The following CPT1B variants were observed in gnomAD, a reference collection of about 807,000 sequenced individuals.
The protein encoded by CPT1B is carnitine palmitoyltransferase 1B.
Under a neutral mutation model 92.7 loss-of-function variants are expected in CPT1B, and 57 were observed. That is an observed-to-expected ratio of 0.62 (90% CI 0.50 to 0.77). The LOEUF is 0.77. Among genes scored for constraint, CPT1B ranks in the 30% least tolerant of loss-of-function variants. The pLI, the probability that CPT1B is intolerant of heterozygous loss-of-function variation, is 0.00. For missense variants in CPT1B, 983 were observed against 1,017.4 expected, an observed-to-expected ratio of 0.97 and a Z score of 0.46; for synonymous variants, 398 against 383.5, an observed-to-expected ratio of 1.04 and a Z score of -0.44.
chr22:50,576,512 G>A (rs903273897), intron 5 of CPT1B, 24 bp downstream of exon 5: 4 of 1,593,788 alleles, frequency 2.5e-6, no homozygotes, highest in African/African-American at 2.7e-5. Flanking sequence ...CCTGCCCACT[G>A]GGATGCCCAA....
chr22:50,571,647 C>G, intron 13 of CPT1B, 108 bp from the exon 14 acceptor site: 1 of 1,244,216 alleles, frequency 8.0e-7, no homozygotes, highest in Non-Finnish European at 1.1e-6. Context: ...GCACAGCCGG[C>G]CAAGACATCT....
chr22:50,569,279 C>T, intron 19 of CPT1B, 57 bp downstream of exon 19: 1 of 1,560,348 alleles, frequency 6.4e-7, no homozygotes. Context: ...CTGTGAGCTG[C>T]CACAGGTCCC....
Position 50,573,673 on chromosome 22 carries a change from T to G in CPT1B, c.1013A>C (p.Tyr338Ser), listed in dbSNP as rs2070295591. ...CAGCTTGAAGAAGCGTCCCTTGTGG[T>G]AGACAGCCACGTGCCGGCTGTCTGA... is the stretch of plus-strand genomic sequence containing the variant. ...HLSDSRHVAV[Y>S]HKGRFFKLWL... Residue 338 changes from tyrosine (Y) to serine (S), a missense_variant, in exon 10 of 20, where the codon TAC becomes TCC. Transcript: ENST00000312108. This position sits in a 1 kb window ranked among gnomAD's most constrained non-coding sequence, Gnocchi z 5.0. 1 of 1,613,000 alleles carries G rather than the reference T, an allele frequency of 6.2e-7. No individual in the cohort carries two copies.
chr22:50,570,143 T>C (rs2070093302), intron 17 of CPT1B, 150 bp downstream of exon 17: 1 of 580,998 alleles, frequency 1.7e-6, no homozygotes, highest in Non-Finnish European at 2.9e-6. Context: ...CCTGAGTCCA[T>C]AGCTAACATT....
At position 50,577,048 on chromosome 22, in the gene CPT1B, G is replaced by A. The variant is rs752589416; in HGVS notation, c.282-14C>T. The A allele has an allele frequency of 7.4e-6, 12 of 1,612,874 alleles. No individual in the cohort carries two copies. Among genetic ancestry groups the A allele is most frequent in the East Asian group, 4.5e-5 (2 of 44,858 alleles). On this transcript the variant is annotated splice_polypyrimidine_tract_variant and intron_variant, in intron 3 of 19. Coordinates refer to ENST00000312108, the MANE Select transcript of CPT1B (RefSeq NM_152246.3). The stretch of plus-strand genomic sequence containing the variant: ...TAGGGGCCACACCTATTGGAGAGGG[G>A]CAAGGGCTGCAGGGGGTCCTCTTGA...
chr22:50,576,951 A>AAGATGCCCGTCACCC lies in CPT1B; in HGVS notation c.350_364dup (p.Trp117_Ile121dup), dbSNP rs1569048107. On this transcript the variant is annotated inframe_insertion, in exon 4 of 20. Coordinates refer to ENST00000312108, the MANE Select transcript of CPT1B (RefSeq NM_152246.3). Reference sequence around the variant, plus strand: ...CAGCTTCAGGGTTTGGCGGAAGAAGAAGATGCCCGTCACCCAGACGCCCGT... The same window carrying AAGATGCCCGTCACCC: ...CAGCTTCAGGGTTTGGCGGAAGAAGAAGATGCCCGTCACCCAGATGCCCGTCACCCAGACGCCCGT... 1 of 1,614,102 alleles carries AAGATGCCCGTCACCC rather than the reference A, an allele frequency of 6.2e-7. No individual in the cohort carries two copies. Among genetic ancestry groups the AAGATGCCCGTCACCC allele is most frequent in the Non-Finnish European group, 8.5e-7 (1 of 1,180,032 alleles).
chr22:50,576,956 G>A lies in CPT1B; in HGVS notation c.360C>T (p.Gly120=). 6.2e-7 allele frequency: 1 copy of A among 1,614,094 alleles called. No homozygotes were observed. The highest frequency in any genetic ancestry group is 8.5e-7 in the Non-Finnish European group (1 of 1,180,020). Residue 120 remains glycine, a synonymous_variant, in exon 4 of 20, where the codon GGC becomes GGT. Transcript: ENST00000312108. ...AIFSTGVWVT[G]IFFFRQTLKL... ...TCAGGGTTTGGCGGAAGAAGAAGAT[G>A]CCCGTCACCCAGACGCCCGTGGAGA...
intron 19 of CPT1B, 120 bp downstream of exon 19, chr22:50,569,216 C>A (rs2070033043): frequency 2.2e-6 from 2 of 914,952 alleles, no homozygotes; most frequent in Non-Finnish European, 3.4e-6. Flanking sequence ...CGAGGACCTG[C>A]TGCCGGAGCT....
chr22:50,571,025 G>C lies in CPT1B; in HGVS notation c.1894C>G (p.Leu632Val). The C allele has an allele frequency of 6.2e-7, 1 of 1,614,068 alleles. No individual in the cohort carries two copies. Among genetic ancestry groups the C allele is most frequent in the Non-Finnish European group, 8.5e-7 (1 of 1,180,016 alleles). The change falls in exon 16 of 20, where the codon CTC becomes GTC. Residue 632 changes from leucine to valine, a missense_variant. Physicochemically the swap from Leu to Val is conservative, Grantham distance 32. Transcript: ENST00000312108. ...GSHTKADLRD[L>V]FQKAAKKHQN... ...TGCTTCTTAGCAGCCTTCTGGAAGA[G>C]ATCTCGCAGGTCTGCTTTCTGCGGG... is the stretch of plus-strand genomic sequence containing the variant.
chr22:50,569,670 T>C lies in CPT1B; in HGVS notation c.2143-2A>G. The C allele has an allele frequency of 6.2e-7, 1 of 1,612,740 alleles. No homozygotes were observed. Among genetic ancestry groups the C allele is most frequent in the Non-Finnish European group, 8.5e-7 (1 of 1,178,858 alleles). On this transcript the variant is annotated splice_acceptor_variant, in intron 17 of 19. Coordinates refer to ENST00000312108, the MANE Select transcript of CPT1B (RefSeq NM_152246.3). LOFTEE classifies it high-confidence loss of function. ...AACTCCATAGCCATCATCTGCTACC[T>C]GAGGGCAACAAGAAGGGTGAAGAAG...
intron 3 of CPT1B, 126 bp from the exon 4 acceptor site, chr22:50,577,160 A>G: frequency 7.3e-7 from 1 of 1,375,630 alleles, no homozygotes; most frequent in East Asian, 2.3e-5. Context: ...GACTGCATCA[A>G]ATGAGCGGAT....
At chr22:50,570,761 C>T in intron 16 of CPT1B, 130 bp downstream of exon 16, 9 of 1,281,014 alleles carry the variant, frequency 7.0e-6, no homozygotes, top group Non-Finnish European at 9.8e-6. Flanking sequence ...GGCGGGAAAG[C>T]TGGCCCAGCA....
At position 50,572,995 on chromosome 22, in the gene CPT1B, G is replaced by T; in HGVS notation, c.1232C>A (p.Ala411Asp). Residue 411 changes from alanine to aspartate, a missense_variant, in exon 11 of 20, where the codon GCC becomes GAC. Coordinates refer to ENST00000312108, the MANE Select transcript of CPT1B (RefSeq NM_152246.3). The stretch of plus-strand genomic sequence containing the variant: ...CACGAAGAAAGCGGCACGCTCGATG[G>T]CCTCCAAGGCAGCCTTATTCTTTCC... Reference protein sequence around the residue: ...SSGKNKAALEAIERAAFFVAL... With the variant: ...SSGKNKAALEDIERAAFFVAL... 5 of 1,613,524 alleles carry T rather than the reference G, an allele frequency of 3.1e-6. No homozygotes were observed. Among genetic ancestry groups the T allele is most frequent in the Non-Finnish European group, 4.2e-6 (5 of 1,179,752 alleles).
rs1202785168 is a variant in CPT1B, at chr22:50,577,569, C to T, written c.142-106G>A. 5 of 1,484,504 alleles carry T rather than the reference C, an allele frequency of 3.4e-6. No homozygotes were observed. In the Admixed American group the frequency reaches 1.0e-4, roughly 31 times the overall value. 92.0% of individuals were successfully genotyped at this position (1,484,504 alleles called of 1,614,324 possible). ...GGTCTTGGCCTGGAAGGCTTTCTCT[C>T]CTGATGCCCTGCTGTGCTCCTTCCT... is the stretch of plus-strand genomic sequence containing the variant. On this transcript the variant is annotated intron_variant, in intron 2 of 19. Coordinates refer to ENST00000312108, the MANE Select transcript of CPT1B (RefSeq NM_152246.3).
chr22:50,573,747 G>C lies in CPT1B; in HGVS notation c.971-32C>G. The C allele has an allele frequency of 1.3e-6, 2 of 1,595,340 alleles. No homozygotes were observed. The highest frequency in any genetic ancestry group is 1.7e-6 in the Non-Finnish European group (2 of 1,169,688). The stretch of plus-strand genomic sequence containing the variant: ...TACAGGCCACGGGCAAGCTGAGGCG[G>C]GGCCCCCAGCTACATCCTGGGAAGG... On this transcript the variant is annotated intron_variant, in intron 9 of 19. Transcript: ENST00000312108. The surrounding 1 kb of genome is among the most constrained non-coding windows in gnomAD (Gnocchi z 5.0).
At chr22:50,574,193 A>T (rs1210279342) in intron 9 of CPT1B, 142 bp downstream of exon 9, 3 of 720,154 alleles carry the variant, frequency 4.2e-6, no homozygotes, top group Middle Eastern at 3.7e-4. Context: ...CCTGTAAACA[A>T]TGGATGTCTA....
At chr22:50,577,229 C>T in intron 3 of CPT1B, 95 bp downstream of exon 3, 3 of 1,523,762 alleles carry the variant, frequency 2.0e-6, no homozygotes, top group East Asian at 2.3e-5. Flanking sequence ...CCAATGGCTG[C>T]TGTCCTGTAT....
In CPT1B at chr22:50,573,885, G is replaced by C. The variant is rs368417374; in HGVS notation, c.971-170C>G. On this transcript the variant is annotated intron_variant, in intron 9 of 19. Transcript: ENST00000312108. This position sits in a 1 kb window ranked among gnomAD's most constrained non-coding sequence, Gnocchi z 5.0. ...TGTGTCCTAAACCAGGCCCTGTGCT[G>C]GGTGCTTCCACTCTCTCTCACGCAA... The C allele has an allele frequency of 3.1e-4, 221 of 723,638 alleles. No homozygotes were observed. The African/African-American group carries it at 3.6e-3, about 12-fold the overall frequency. The allele number at this position is 723,638 out of a possible 1,614,324, so 44.8% of individuals were successfully genotyped here. A position where few individuals can be genotyped will look rare whatever the true frequency, so the allele number is the denominator to read the frequency against.
rs770998857 is a variant in CPT1B, at chr22:50,571,162, T to G, written c.1871A>C (p.His624Pro). The G allele has an allele frequency of 6.2e-7, 1 of 1,614,098 alleles. No individual in the cohort carries two copies. Reference sequence around the variant, plus strand: ...ACATGGGCAGAGGACACTTACTGTGTGGGACCCCTCCATCATGGCCTGCAC... The same window carrying G: ...ACATGGGCAGAGGACACTTACTGTGGGGGACCCCTCCATCATGGCCTGCAC... ...AFVQAMMEGS[H>P]TKADLRDLFQ... The change falls in exon 15 of 20, where the codon CAC (histidine) becomes CCC (proline). Residue 624 changes from histidine to proline, a missense_variant. His to Pro is a moderately conservative substitution (Grantham distance 77). Transcript: ENST00000312108.
Sources: allele counts gnomAD v4.1 joint callset, GRCh38; gene constraint gnomAD v4.1.1; non-coding constraint Gnocchi (gnomAD v3.1); transcripts MANE v1.5; gene names NCBI Gene and HGNC (gene_info 2026-07-23, HGNC 2026-07-21).